The following MPP7 variants were observed in gnomAD, a reference collection of about 807,000 sequenced individuals.
MPP7 encodes the protein MAGUK p55 scaffold protein 7.
Under a neutral mutation model 76.5 loss-of-function variants are expected in MPP7, and 60 were observed. The observed-to-expected ratio is 0.78, with a 90% CI of 0.64 to 0.97. The LOEUF (loss-of-function observed/expected upper bound fraction) is 0.97. Among genes scored for constraint, MPP7 ranks in the 50% least tolerant of loss-of-function variants. The pLI, the probability that MPP7 is intolerant of heterozygous loss-of-function variation, is 0.00. For missense variants in MPP7, 641 were observed against 694.0 expected, an observed-to-expected ratio of 0.92 and a Z score of 0.86; for synonymous variants, 237 against 244.5, an observed-to-expected ratio of 0.97 and a Z score of 0.29.
chr10:28,144,360 T>G (rs940077357), intron 5 of MPP7, among the ~76,000 whole-genome samples: 2 of 152,046 alleles, frequency 1.3e-5, no homozygotes, highest in African/African-American at 4.8e-5. Flanking sequence ...GCCATATAAT[T>G]TATCACCCAA....
intron 11 of MPP7, among the ~76,000 whole-genome samples, chr10:28,097,138 C>T (rs138456813): frequency 0.012 from 1,820 of 151,950 alleles, 36 homozygotes; most frequent in African/African-American, 0.041. Context: ...TACAGGCACA[C>T]GCCAACACAC....
At chr10:28,227,051 A>G (rs923974851) in intron 2 of MPP7, among the ~76,000 whole-genome samples, 6 of 152,224 alleles carry the variant, frequency 3.9e-5, no homozygotes, top group Non-Finnish European at 5.9e-5. Context: ...AAGAATACTC[A>G]GTGATTTTCT....
intron 11 of MPP7, among the ~76,000 whole-genome samples, chr10:28,100,512 G>GA (rs992422820): frequency 2.0e-5 from 3 of 151,862 alleles, no homozygotes; most frequent in Non-Finnish European, 2.9e-5. Context: ...AACAATGTCA[G>GA]AAAAAAATCA....
intron 3 of MPP7, among the ~76,000 whole-genome samples, chr10:28,151,407 T>C (rs1835879075): frequency 6.6e-6 from 1 of 152,216 alleles, no homozygotes; most frequent in Admixed American, 6.5e-5. Context: ...AAACCAATCA[T>C]ACTGAGCTAA....
chr10:28,195,733 G>C (rs1423408285), intron 3 of MPP7, among the ~76,000 whole-genome samples: 2 of 152,190 alleles, frequency 1.3e-5, no homozygotes, highest in Non-Finnish European at 2.9e-5. Flanking sequence ...TGGGATGGGA[G>C]AGAGAATGCA....
chr10:28,309,292 T>C (rs2133172410), intron 2 of MPP7, among the ~76,000 whole-genome samples: 1 of 152,042 alleles, frequency 6.6e-6, no homozygotes, highest in East Asian at 1.9e-4. Flanking sequence ...CAGGTGCCTG[T>C]AGTCCCAGCT....
At chr10:28,231,871 C>T (rs549663594) in intron 2 of MPP7, among the ~76,000 whole-genome samples, 54 of 152,174 alleles carry the variant, frequency 3.5e-4, no homozygotes, top group Admixed American at 1.4e-3. Flanking sequence ...ATACACTACA[C>T]GAGACCAGCA....
At chr10:28,250,518 C>T (rs1296417569) in intron 1 of MPP7, among the ~76,000 whole-genome samples, 1 of 152,192 alleles carries the variant, frequency 6.6e-6, no homozygotes, top group Non-Finnish European at 1.5e-5. Context: ...TCTGTTCCCA[C>T]CTCCAACCCA....
At chr10:28,108,163 G>A (rs1232991388) in intron 11 of MPP7, among the ~76,000 whole-genome samples, 3 of 152,034 alleles carry the variant, frequency 2.0e-5, no homozygotes, top group East Asian at 1.9e-4. Flanking sequence ...TTGAGTCCTC[G>A]GGTAAATACT....
rs1564626626 is a variant in MPP7 at position 28,092,576 on chromosome 10, C to CATTTTTTTTT, written c.953-2736_953-2735insAAAAAAAAAT. ...AGCTTCATAGAACCCAGAAAAGGGA[C>CATTTTTTTTT]CTTTTTTTTTTTTTGAGACAGGGAC... On this transcript the variant is annotated intron_variant, in intron 11 of 16. Coordinates refer to ENST00000683449, the MANE Select transcript of MPP7 (RefSeq NM_001318170.2). Among the ~76,000 whole-genome samples the CATTTTTTTTT allele has an allele frequency of 2.9e-3, 294 of 101,588 alleles. 4 individuals are homozygous for CATTTTTTTTT. Among genetic ancestry groups the CATTTTTTTTT allele is most frequent in the African/African-American group, 0.013 (288 of 22,246 alleles). 66.6% of individuals were successfully genotyped at this position (101,588 alleles called of 152,430 possible).
chr10:28,267,740 T>C (rs561074556), intron 1 of MPP7, among the ~76,000 whole-genome samples: 1 of 152,192 alleles, frequency 6.6e-6, no homozygotes, highest in South Asian at 2.1e-4. Flanking sequence ...ATAATACTAT[T>C]TGAAAGAATA....
At chr10:28,228,529 G>A (rs1276590371) in intron 2 of MPP7, among the ~76,000 whole-genome samples, 1 of 152,156 alleles carries the variant, frequency 6.6e-6, no homozygotes, top group East Asian at 1.9e-4. Flanking sequence ...ACTTTGGGAG[G>A]CCAAGGTGGG....
At position 28,315,857 on chromosome 10, in the gene MPP7, G is replaced by C. The variant is rs539787363; in HGVS notation, c.-132+14072C>G. Among the ~76,000 whole-genome samples, 4 of 152,192 alleles carry C rather than the reference G, an allele frequency of 2.6e-5. No homozygotes were observed. The East Asian group carries it at 7.8e-4, about 30-fold the overall frequency. On this transcript the variant is annotated intron_variant, in intron 2 of 11. Coordinates refer to the MPP7 transcript ENST00000441595. ...AGCACTATCTCAACCAGCTGATCAA[G>C]GTCAACATCAACAGTGATGAGAAGT...
At chr10:28,117,901 G>C (rs1444408800) in intron 11 of MPP7, among the ~76,000 whole-genome samples, 2 of 151,936 alleles carry the variant, frequency 1.3e-5, no homozygotes, top group East Asian at 3.9e-4. Flanking sequence ...GCATCTCTCA[G>C]TGAATCAAAC....
At position 28,162,205 on chromosome 10, in the gene MPP7, T is replaced by C. The variant is rs1836285233; in HGVS notation, c.157-12146A>G. Among the ~76,000 whole-genome samples the C allele has an allele frequency of 2.0e-5, 3 of 152,178 alleles. No individual in the cohort carries two copies. In the South Asian group the frequency reaches 6.2e-4, roughly 31 times the overall value. ...AATTAATATTTTACATGTGGAAATA[T>C]CAACAATTCCACTAAAGGTGGGAAG... On this transcript the variant is annotated intron_variant, in intron 3 of 16. Transcript: ENST00000683449.
rs191471678 is a variant in MPP7, at chr10:28,139,714, C to T, written c.315+7769G>A. On this transcript the variant is annotated intron_variant, in intron 5 of 16. Transcript: ENST00000683449. ...AAAGGCTGCTCCATAGTAAAGACTT[C>T]GTATTGTTGGCTTATTAGCTATTAC... is the stretch of plus-strand genomic sequence containing the variant. Among the ~76,000 whole-genome samples the T allele has an allele frequency of 6.6e-5, 10 of 152,246 alleles. No individual in the cohort carries two copies. The East Asian group carries it at 1.3e-3, about 21-fold the overall frequency.
At chr10:28,110,328 G>A (rs1318483916) in intron 11 of MPP7, among the ~76,000 whole-genome samples, 1 of 152,120 alleles carries the variant, frequency 6.6e-6, no homozygotes, top group African/African-American at 2.4e-5. Flanking sequence ...GACCTCAGGT[G>A]ATCCGCCCAC....
chr10:28,330,708 G>A (rs979965894), intron 1 of MPP7, among the ~76,000 whole-genome samples: 1 of 152,124 alleles, frequency 6.6e-6, no homozygotes, highest in South Asian at 2.1e-4. Context: ...AGGCTGGAGT[G>A]CTGTGGTGCA....
chr10:28,229,883 C>T (rs1164760014), intron 2 of MPP7, among the ~76,000 whole-genome samples: 1 of 137,656 alleles, frequency 7.3e-6, no homozygotes, highest in South Asian at 2.3e-4. Flanking sequence ...AGCTAGACTC[C>T]GTCTCAAAAA....
Sources: gnomAD v4.1 joint callset for allele counts (sites outside exome capture counted in the v4.1 genomes callset) on GRCh38, gnomAD v4.1.1 for gene constraint, MANE v1.5 for transcripts, NCBI Gene and HGNC (gene_info 2026-07-23, HGNC 2026-07-21) for gene names.